Variants in INPP4A observed in about 807,000 individuals in gnomAD.
The protein encoded by INPP4A is inositol polyphosphate-4-phosphatase, type I, 107kD.
Under a neutral mutation model 119.8 loss-of-function variants are expected in INPP4A, and 33 were observed. The observed-to-expected ratio is 0.28, with a 90% CI of 0.21 to 0.37. INPP4A has a LOEUF of 0.37. Among genes scored for constraint, INPP4A ranks in the 10% least tolerant of loss-of-function variants. The pLI is 1.00. For synonymous variants in INPP4A, 496 were observed against 500.7 expected, an observed-to-expected ratio of 0.99 and a Z score of 0.12; for missense variants, 956 against 1,289.9, an observed-to-expected ratio of 0.74 and a Z score of 3.97.
At chr2:98,577,255 T>A in intron 24 of INPP4A, 112 bp downstream of exon 24, 2 of 1,128,638 alleles carry the variant, frequency 1.8e-6, no homozygotes, top group Middle Eastern at 3.1e-4. Flanking sequence ...GCCCCTTGAC[T>A]CCAGCCTTCA....
In INPP4A at chr2:98,496,200, G is replaced by A. The variant is rs113769476; in HGVS notation, c.-165-22764G>A. Among the ~76,000 whole-genome samples the A allele has an allele frequency of 3.8e-3, 574 of 152,126 alleles. 7 individuals carry two copies. Among genetic ancestry groups the A allele is most frequent in the African/African-American group, 0.013 (555 of 41,488 alleles). ...CCATCATAGCCTTAACTAGATATTCGGGTTTACTTTGAAATGCTCCTCTCC... is the reference window on the plus strand; with the variant it reads ...CCATCATAGCCTTAACTAGATATTCAGGTTTACTTTGAAATGCTCCTCTCC... On this transcript the variant is annotated intron_variant, in intron 1 of 24. Transcript: ENST00000409851.
At chr2:98,454,685 AG>A (rs747158645) in intron 1 of INPP4A, among the ~76,000 whole-genome samples, 17 of 146,772 alleles carry the variant, frequency 1.2e-4, no homozygotes, top group Middle Eastern at 3.6e-3. Flanking sequence ...GGTACCTTCC[AG>A]GGGAAATATC....
chr2:98,567,002 A>G (rs1471793801), intron 21 of INPP4A, among the ~76,000 whole-genome samples: 1 of 152,216 alleles, frequency 6.6e-6, no homozygotes, highest in Non-Finnish European at 1.5e-5. Context: ...GTTGATGTCC[A>G]TTGACGCCTA....
chr2:98,530,713 A>G (rs1689057378), intron 4 of INPP4A, among the ~76,000 whole-genome samples: 1 of 152,348 alleles, frequency 6.6e-6, no homozygotes, highest in East Asian at 1.9e-4. Context: ...AATTCTCAGA[A>G]ACATGAGGAG....
chr2:98,521,823 C>A (rs997516048), intron 4 of INPP4A: 1 of 151,362 alleles, frequency 6.6e-6, no homozygotes, highest in Non-Finnish European at 1.5e-5. Context: ...GTATTGCCAG[C>A]TACTAAGGAG....
At chr2:98,532,580 A>G (rs1574949523) in intron 4 of INPP4A, among the ~76,000 whole-genome samples, 1 of 152,202 alleles carries the variant, frequency 6.6e-6, no homozygotes, top group East Asian at 1.9e-4. Flanking sequence ...AGGATCCCAG[A>G]TGGCACAGCT....
At chr2:98,464,115 C>T (rs1262301127) in intron 1 of INPP4A, among the ~76,000 whole-genome samples, 1 of 152,190 alleles carries the variant, frequency 6.6e-6, no homozygotes, top group Non-Finnish European at 1.5e-5. Flanking sequence ...TGAGGCTCCA[C>T]CCTGAGCTCT....
intron 1 of INPP4A, 32 bp from the exon 2 acceptor site, chr2:98,518,932 A>G (rs551352610): frequency 6.6e-6 from 1 of 152,226 alleles, no homozygotes; most frequent in Non-Finnish European, 1.5e-5. Context: ...ATGTTTGACC[A>G]GCTTGTTAAG....
chr2:98,547,281 T>TA (rs1692648837), intron 13 of INPP4A, among the ~76,000 whole-genome samples: 1 of 152,150 alleles, frequency 6.6e-6, no homozygotes, highest in South Asian at 2.1e-4. Context: ...TGACCAGAGT[T>TA]ACAGCCCCCA....
At chr2:98,462,533 G>GTT (rs894217916) in intron 1 of INPP4A, among the ~76,000 whole-genome samples, 1 of 147,024 alleles carries the variant, frequency 6.8e-6, no homozygotes. Context: ...AATTATTATT[G>GTT]TTTTTTTTTT....
At chr2:98,522,454 G>GATA (rs1687404750) in intron 4 of INPP4A, among the ~76,000 whole-genome samples, 1 of 152,044 alleles carries the variant, frequency 6.6e-6, no homozygotes, top group Non-Finnish European at 1.5e-5. Flanking sequence ...AAAATTCTAT[G>GATA]AAGTTTGGAA....
chr2:98,571,170 A>G (rs1226725180), intron 22 of INPP4A, among the ~76,000 whole-genome samples: 2 of 152,222 alleles, frequency 1.3e-5, no homozygotes, highest in Admixed American at 6.5e-5. Flanking sequence ...GCTCGCCACA[A>G]GCTGGGCCCC....
At chr2:98,559,201 T>C (rs1695018534) in intron 16 of INPP4A, among the ~76,000 whole-genome samples, 1 of 152,270 alleles carries the variant, frequency 6.6e-6, no homozygotes, top group Non-Finnish European at 1.5e-5. Context: ...GAGCATTTTA[T>C]GTTGAACTAT....
chr2:98,484,948 G>GTA (rs1488075656), intron 1 of INPP4A, among the ~76,000 whole-genome samples: 1 of 151,998 alleles, frequency 6.6e-6, no homozygotes, highest in Non-Finnish European at 1.5e-5. Flanking sequence ...AGGTAATGCT[G>GTA]CAGTGAGCAT....
intron 10 of INPP4A, among the ~76,000 whole-genome samples, chr2:98,543,494 C>G (rs183256039): frequency 1.3e-5 from 2 of 152,124 alleles, no homozygotes; most frequent in South Asian, 2.1e-4. Context: ...GAGGATCACA[C>G]GTTGTTTTGC....
rs1479554253 is a variant in INPP4A at position 98,591,825 on chromosome 2, T to TGTGTG, written c.*4217_*4218insGTGTG. 1.3e-5 allele frequency: 2 copies of TGTGTG among 152,236 alleles called. No individual in the cohort carries two copies. Among genetic ancestry groups the TGTGTG allele is most frequent in the Non-Finnish European group, 2.9e-5 (2 of 68,036 alleles). The allele number at this position is 152,236 out of a possible 1,614,324, so 9.4% of individuals were successfully genotyped here. ...ATTGTTCTACTGCATAACCTCCCTC[T>TGTGTG]ATTCTTTACCAGCATCACACAGCAG... On this transcript the variant is annotated 3_prime_UTR_variant, in exon 25 of 25. Coordinates refer to ENST00000409851, the MANE Select transcript of INPP4A (RefSeq NM_001134225.2).
At chr2:98,445,771 C>T (rs1473605705) in intron 1 of INPP4A, among the ~76,000 whole-genome samples, 1 of 152,198 alleles carries the variant, frequency 6.6e-6, no homozygotes, top group African/African-American at 2.4e-5. Flanking sequence ...GTCGCCTGCC[C>T]TCTGACATTA....
At chr2:98,571,184 C>T (rs1030074799) in intron 22 of INPP4A, among the ~76,000 whole-genome samples, 3 of 152,240 alleles carry the variant, frequency 2.0e-5, no homozygotes, top group Admixed American at 1.3e-4. Flanking sequence ...GGGCCCCCTA[C>T]TATCCACTTT....
At chr2:98,523,825 CAG>C (rs1184673500) in intron 4 of INPP4A, among the ~76,000 whole-genome samples, 1 of 152,112 alleles carries the variant, frequency 6.6e-6, no homozygotes, top group African/African-American at 2.4e-5. Context: ...GAAAATGTTG[CAG>C]AGAGGTAGTC....
Sources: allele counts gnomAD v4.1 joint callset (sites outside exome capture counted in the v4.1 genomes callset), GRCh38; gene constraint gnomAD v4.1.1; transcripts MANE v1.5; gene names NCBI Gene and HGNC (gene_info 2026-07-23, HGNC 2026-07-21).